DPYD: variants seen among roughly 807,000 people sequenced by gnomAD.
DPYD encodes dihydropyrimidine dehydrogenase [NADP(+)].
Under a neutral mutation model 116.2 loss-of-function variants are expected in DPYD, and 109 were observed. That is an observed-to-expected ratio of 0.94 (90% CI 0.80 to 1.10). The LOEUF (loss-of-function observed/expected upper bound fraction) is 1.10, where lower values mean the gene tolerates loss of function less well. Among genes scored for constraint, DPYD ranks in the 50% least tolerant of loss-of-function variants. The probability of loss-of-function intolerance (pLI) is 0.00; values close to 1 mark genes in which losing one functional copy is unlikely to be tolerated. For synonymous variants in DPYD, 440 were observed against 432.0 expected, an observed-to-expected ratio of 1.02 and a Z score of -0.23; for missense variants, 1,302 against 1,254.5, an observed-to-expected ratio of 1.04 and a Z score of -0.57.
In DPYD at chr1:97,740,962, T is replaced by C. The variant is rs78818684; in HGVS notation, c.234-483A>G. 1.2e-3 allele frequency among the ~76,000 whole-genome samples: 184 copies of C among 152,292 alleles called. 1 individual carries two copies. The highest frequency in any genetic ancestry group is 4.2e-3 in the East Asian group (22 of 5,186). On this transcript the variant is annotated intron_variant, in intron 3 of 22. Transcript: ENST00000370192. ...GCTTCCCTCTCTACCTCTCTCTCTC[T>C]TTCCAATTGTCTGAAGTCTTTCAGC... is the stretch of plus-strand genomic sequence containing the variant.
At chr1:97,275,390 T>C (rs775305805) in intron 18 of DPYD, among the ~76,000 whole-genome samples, 5 of 152,182 alleles carry the variant, frequency 3.3e-5, no homozygotes, top group Non-Finnish European at 7.4e-5. Context: ...TCTACTGCAA[T>C]AGGTAATGGA....
intron 15 of DPYD, among the ~76,000 whole-genome samples, chr1:97,378,950 C>A (rs888826899): frequency 6.6e-6 from 1 of 152,296 alleles, no homozygotes; most frequent in African/African-American, 2.4e-5. Flanking sequence ...GGAAAACCCT[C>A]TTTAAGGAAA....
Position 97,740,411 on chromosome 1 carries a change from A to G in DPYD, c.302T>C (p.Ile101Thr), listed in dbSNP as rs1664196479. 6.2e-7 allele frequency: 1 copy of G among 1,612,524 alleles called. No homozygotes were observed. Among genetic ancestry groups the G allele is most frequent in the Admixed American group, 1.7e-5 (1 of 59,976 alleles). ...ATTTACCTTGTTTGCAATACTTGTG[A>G]TGAATGATTTAATATCAAGATTAGT... ...CPTNLDIKSF[I>T]TSIANKNYYG... The change falls in exon 4 of 23, where the codon ATC becomes ACC. Residue 101 changes from isoleucine to threonine, a missense_variant. Transcript: ENST00000370192.
chr1:97,764,047 C>T (rs540551920), intron 3 of DPYD, among the ~76,000 whole-genome samples: 1 of 151,972 alleles, frequency 6.6e-6, no homozygotes, highest in East Asian at 1.9e-4. Context: ...GCTGACAGAA[C>T]CTTTTGTGGT....
rs1449394286 is a variant in DPYD, at chr1:97,130,909, C to G, written c.2623-32277G>C. ...TTCTTTCCTCCCTCCCTCCCTCACT[C>G]CCTCCCTCCCTCTTTCTCTCTCTCT... On this transcript the variant is annotated intron_variant, in intron 20 of 22. Transcript: ENST00000370192. 2.8e-5 allele frequency among the ~76,000 whole-genome samples: 4 copies of G among 142,506 alleles called. 1 individual carries two copies. Among genetic ancestry groups the G allele is most frequent in the African/African-American group, 1.0e-4 (4 of 38,146 alleles). 93.5% of individuals were successfully genotyped at this position (142,506 alleles called of 152,430 possible).
chr1:97,503,703 G>A (rs183164153), intron 13 of DPYD, among the ~76,000 whole-genome samples: 57 of 151,798 alleles, frequency 3.8e-4, no homozygotes, highest in African/African-American at 1.3e-3. Context: ...ATCCATGCAT[G>A]TTTAATCACA....
chr1:97,094,749 T>G lies in DPYD; in HGVS notation c.2766+3740A>C, dbSNP rs192437089. 2.9e-3 allele frequency among the ~76,000 whole-genome samples: 447 copies of G among 152,246 alleles called. 1 individual carries two copies. Among genetic ancestry groups the G allele is most frequent in the Non-Finnish European group, 5.5e-3 (371 of 68,004 alleles). On this transcript the variant is annotated intron_variant, in intron 21 of 22. Transcript: ENST00000370192. ...CTCGGATGGAGAATAGTTGAGTCAT[T>G]GTGTAGGAAACGTTTAGATTTATCA... is the stretch of plus-strand genomic sequence containing the variant.
intron 1 of DPYD, among the ~76,000 whole-genome samples, chr1:97,911,951 G>C (rs1673960804): frequency 6.6e-6 from 1 of 152,006 alleles, no homozygotes; most frequent in Non-Finnish European, 1.5e-5. Context: ...ACGCTGTCAA[G>C]CCATTCTCCA....
intron 3 of DPYD, among the ~76,000 whole-genome samples, chr1:97,758,360 CAA>C (rs34224428): frequency 3.7e-3 from 516 of 138,808 alleles, no homozygotes; most frequent in Non-Finnish European, 4.5e-3. Flanking sequence ...ATTATGAGAG[CAA>C]AAAAAAAAAA....
rs949301080 is a variant in DPYD at position 97,630,059 on chromosome 1, C to T, written c.851-34893G>A. On this transcript the variant is annotated intron_variant, in intron 8 of 22. Transcript: ENST00000370192. ...ATCAATAATTTGTTCCTTTTTAATG[C>T]TAACTAGTACTAATATGATATATAT... 4.6e-5 allele frequency among the ~76,000 whole-genome samples: 7 copies of T among 151,694 alleles called. No individual in the cohort carries two copies. The East Asian group carries it at 7.7e-4, about 17-fold the overall frequency.
intron 3 of DPYD, among the ~76,000 whole-genome samples, chr1:97,742,736 T>C (rs908942799): frequency 1.3e-5 from 2 of 152,174 alleles, no homozygotes; most frequent in African/African-American, 2.4e-5. Context: ...TGAGCATTAA[T>C]AGTGGTTTGA....
intron 16 of DPYD, among the ~76,000 whole-genome samples, chr1:97,322,294 C>T (rs1397161436): frequency 1.3e-5 from 2 of 151,474 alleles, no homozygotes; most frequent in Admixed American, 6.6e-5. Context: ...AAATTTCTTC[C>T]CACTGCTGCT....
intron 7 of DPYD, among the ~76,000 whole-genome samples, chr1:97,686,355 G>A (rs1251101902): frequency 1.3e-5 from 2 of 151,872 alleles, no homozygotes; most frequent in Non-Finnish European, 2.9e-5. Flanking sequence ...CTTACATATA[G>A]GCCGGGCGCG....
chr1:97,192,344 TC>T (rs1014248019), intron 20 of DPYD, among the ~76,000 whole-genome samples: 8 of 149,042 alleles, frequency 5.4e-5, no homozygotes, highest in East Asian at 2.1e-4. Context: ...ATACTGCCTC[TC>T]TTTTTTTTAA....
intron 22 of DPYD, 96 bp downstream of exon 22, chr1:97,082,234 G>A: frequency 6.7e-7 from 1 of 1,489,238 alleles, no homozygotes. Context: ...TGGCACCACT[G>A]GTTTAAATTT....
At chr1:97,797,524 A>G (rs1017891691) in intron 3 of DPYD, 7 of 152,070 alleles carry the variant, frequency 4.6e-5, no homozygotes, top group African/African-American at 1.7e-4. Flanking sequence ...ACATGACATC[A>G]TAAGAAGTCC....
intron 16 of DPYD, among the ~76,000 whole-genome samples, chr1:97,351,983 G>T (rs563057158): frequency 4.6e-5 from 7 of 152,130 alleles, no homozygotes; most frequent in Non-Finnish European, 7.4e-5. Flanking sequence ...TACCAGAGGT[G>T]GAGATTACTA....
chr1:97,166,169 G>A (rs1656310940), intron 20 of DPYD, among the ~76,000 whole-genome samples: 1 of 152,126 alleles, frequency 6.6e-6, no homozygotes, highest in South Asian at 2.1e-4. Context: ...CAATAGCAAA[G>A]TCATTAAATC....
At chr1:97,637,210 C>T (rs185608266) in intron 8 of DPYD, among the ~76,000 whole-genome samples, 62 of 152,176 alleles carry the variant, frequency 4.1e-4, no homozygotes, top group Non-Finnish European at 1.2e-4. Flanking sequence ...AAACCACACA[C>T]ACCTCATAAA....
Sources: gnomAD v4.1 joint callset for allele counts (sites outside exome capture counted in the v4.1 genomes callset) on GRCh38, gnomAD v4.1.1 for gene constraint, MANE v1.5 for transcripts, NCBI Gene and HGNC (gene_info 2026-07-23, HGNC 2026-07-21) for gene names.